ZZEF1: variants seen among roughly 807,000 people sequenced by gnomAD.
ZZEF1 encodes the protein zinc finger ZZ-type and EF-hand domain-containing protein 1.
Under a neutral mutation model 342.8 loss-of-function variants are expected in ZZEF1, and 157 were observed. The observed-to-expected ratio is 0.46, with a 90% confidence interval of 0.40 to 0.52. The LOEUF (loss-of-function observed/expected upper bound fraction) is 0.52. Ranked by LOEUF, ZZEF1 falls within the 20% of genes least tolerant of loss-of-function variation. The pLI is 0.00. For missense variants in ZZEF1, 3,480 were observed against 3,725.6 expected (o/e 0.93, Z 1.72); for synonymous variants, 1,505 against 1,429.1 (o/e 1.05, Z -1.20).
At chr17:4,013,651 G>T (rs1372682640) in intron 51 of ZZEF1, 37 bp from the exon 52 acceptor site, 1 of 1,572,520 alleles carries the variant, frequency 6.4e-7, no homozygotes, top group East Asian at 2.3e-5. Context: ...TATAAACAGA[G>T]ATACGTAATA....
chr17:4,059,035 C>G, intron 31 of ZZEF1, 136 bp downstream of exon 31: 1 of 671,264 alleles, frequency 1.5e-6, no homozygotes, highest in Admixed American at 3.8e-5. Flanking sequence ...GATTAGCTCT[C>G]TAGGTGGTAA....
chr17:4,101,340 G>A (rs2058123611), intron 9 of ZZEF1, among the ~76,000 whole-genome samples: 1 of 151,858 alleles, frequency 6.6e-6, no homozygotes, highest in African/African-American at 2.4e-5. Flanking sequence ...AAGCAGCAAG[G>A]CTAGTCCCTT....
At chr17:4,102,608 C>A (rs1406928642) in intron 8 of ZZEF1, among the ~76,000 whole-genome samples, 193 bp from the exon 9 acceptor site, 1 of 152,138 alleles carries the variant, frequency 6.6e-6, no homozygotes, top group African/African-American at 2.4e-5. Context: ...CTGAAAGAGA[C>A]AAAGTACAGC....
intron 33 of ZZEF1, 85 bp downstream of exon 33, chr17:4,056,131 G>A (rs550558839): frequency 1.5e-6 from 2 of 1,375,812 alleles, no homozygotes; most frequent in East Asian, 2.7e-5. Flanking sequence ...TCTCAGGTAA[G>A]AGCCTGCCAG....
Position 4,067,191 on chromosome 17 carries a change from G to C in ZZEF1, c.4127C>G (p.Ser1376Cys). 6.2e-7 allele frequency: 1 copy of C among 1,613,064 alleles called. No individual in the cohort carries two copies. Among genetic ancestry groups the C allele is most frequent in the Non-Finnish European group, 8.5e-7 (1 of 1,179,624 alleles). ...ALSEEFAQVY[S>C]LADGIRIWML... ...CCATATTCGAATCCCATCTGCCAAG[G>C]AATAAACCTGGGCAAACTCTTCACT... The change falls in exon 27 of 55, where the codon TCC becomes TGC. Residue 1376 changes from serine to cysteine, a missense_variant. Ser to Cys is a moderately radical substitution (Grantham distance 112). Coordinates refer to ENST00000381638, the MANE Select transcript of ZZEF1 (RefSeq NM_015113.4).
chr17:4,091,506 G>C (rs1383759195), intron 11 of ZZEF1, among the ~76,000 whole-genome samples: 1 of 152,218 alleles, frequency 6.6e-6, no homozygotes, highest in Admixed American at 6.5e-5. Context: ...GATGTGCTGG[G>C]CACGATGGCT....
At chr17:4,031,342 A>AAATAAATAAATG in intron 42 of ZZEF1, among the ~76,000 whole-genome samples, 1 of 151,626 alleles carries the variant, frequency 6.6e-6, no homozygotes, top group Non-Finnish European at 1.5e-5. Flanking sequence ...ATAAATAAAT[A>AAATAAATAAATG]AATAAATAAA....
At chr17:4,012,793 G>A (rs563605316) in intron 52 of ZZEF1, among the ~76,000 whole-genome samples, 5 of 151,924 alleles carry the variant, frequency 3.3e-5, no homozygotes, top group African/African-American at 4.8e-5. Flanking sequence ...TGGATATAAC[G>A]GCAATATACA....
intron 1 of ZZEF1, among the ~76,000 whole-genome samples, chr17:4,135,140 G>A (rs1164070671): frequency 1.3e-5 from 2 of 152,190 alleles, no homozygotes; most frequent in Non-Finnish European, 2.9e-5. Flanking sequence ...CCCCAGATCT[G>A]CATAAGCTCT....
intron 8 of ZZEF1, among the ~76,000 whole-genome samples, chr17:4,103,773 A>T (rs1051158418): frequency 1.3e-5 from 2 of 152,128 alleles, no homozygotes; most frequent in African/African-American, 4.8e-5. Context: ...TTTAAAAATT[A>T]ACCAGGTATG....
intron 29 of ZZEF1, among the ~76,000 whole-genome samples, 158 bp from the exon 30 acceptor site, chr17:4,063,075 T>C (rs1265841283): frequency 6.6e-6 from 1 of 152,250 alleles, no homozygotes; most frequent in Admixed American, 6.5e-5. Context: ...ACCTCTTTAC[T>C]ATTTTTAAGT....
At chr17:4,123,616 C>A (rs1315237307) in intron 2 of ZZEF1, among the ~76,000 whole-genome samples, 1 of 151,830 alleles carries the variant, frequency 6.6e-6, no homozygotes, top group Non-Finnish European at 1.5e-5. Context: ...ATGCAGGATG[C>A]TAAGAGAATG....
intron 24 of ZZEF1, among the ~76,000 whole-genome samples, chr17:4,073,923 T>C (rs535223496): frequency 5.3e-5 from 8 of 152,210 alleles, no homozygotes; most frequent in East Asian, 1.9e-4. Context: ...TTATCCTCCA[T>C]AGACAGAGAA....
At chr17:4,112,079 TA>T in intron 5 of ZZEF1, among the ~76,000 whole-genome samples, 1 of 54,206 alleles carries the variant, frequency 1.8e-5, no homozygotes, top group African/African-American at 8.4e-5. Flanking sequence ...TATATATATA[TA>T]TATATATATA....
At chr17:4,109,148 T>G (rs1271501516) in intron 6 of ZZEF1, among the ~76,000 whole-genome samples, 1 of 152,252 alleles carries the variant, frequency 6.6e-6, no homozygotes, top group East Asian at 1.9e-4. Flanking sequence ...GAAAGAGCCC[T>G]CAACTGATCC....
intron 11 of ZZEF1, among the ~76,000 whole-genome samples, chr17:4,094,314 A>G (rs925995382): frequency 1.3e-5 from 2 of 150,992 alleles, no homozygotes; most frequent in African/African-American, 4.9e-5. Flanking sequence ...GCTAATTTTT[A>G]TGTTTTTCTT....
chr17:4,139,282 A>G (rs2058803548), intron 1 of ZZEF1, among the ~76,000 whole-genome samples: 1 of 152,182 alleles, frequency 6.6e-6, no homozygotes, highest in African/African-American at 2.4e-5. Flanking sequence ...AAAGCAAGAC[A>G]GCTGCGTGGA....
chr17:4,022,879 A>G, intron 43 of ZZEF1, 51 bp from the exon 44 acceptor site: 1 of 1,602,174 alleles, frequency 6.2e-7, no homozygotes, highest in Non-Finnish European at 8.5e-7. Context: ...TGAAGAAGGT[A>G]CAACCTTAGC....
At position 4,044,128 on chromosome 17, in the gene ZZEF1, A is replaced by G. The variant is rs141755243; in HGVS notation, c.6166+96T>C. On this transcript the variant is annotated intron_variant, in intron 38 of 54. Transcript: ENST00000381638. ...GAGAAACCACGCACCCCTGGCGTCT[A>G]GCCAATGTCAAGCTGTGTGCCACAA... 281 of 1,393,850 alleles carry G rather than the reference A, an allele frequency of 2.0e-4. No individual in the cohort carries two copies. In the African/African-American group the frequency reaches 2.7e-3, roughly 13 times the overall value. 86.3% of individuals were successfully genotyped at this position (1,393,850 alleles called of 1,614,324 possible). A position where few individuals can be genotyped will look rare whatever the true frequency, so the allele number is the denominator to read the frequency against.
Sources: gnomAD v4.1 joint callset for allele counts (sites outside exome capture counted in the v4.1 genomes callset) on GRCh38, gnomAD v4.1.1 for gene constraint, MANE v1.5 for transcripts, NCBI Gene and HGNC (gene_info 2026-07-23, HGNC 2026-07-21) for gene names.